TENM2: variants seen among roughly 807,000 people sequenced by gnomAD.
TENM2 encodes teneurin transmembrane protein 2, also known as teneurin-2.
In TENM2, 52 loss-of-function variants were observed where a neutral mutation model predicts 245.2. The ratio of observed to expected loss-of-function variants is 0.21; its 90% CI spans 0.17 to 0.27. The LOEUF (loss-of-function observed/expected upper bound fraction) is 0.27, where lower values mean the gene tolerates loss of function less well. Ranked by LOEUF, TENM2 falls within the 10% of genes least tolerant of loss-of-function variation. TENM2 has a pLI of 1.00. For missense variants in TENM2, 3,046 were observed against 3,666.8 expected, an observed-to-expected ratio of 0.83 and a Z score of 4.37; for synonymous variants, 1,363 against 1,438.9, an observed-to-expected ratio of 0.95 and a Z score of 1.19.
the TENM2 span, among the ~76,000 whole-genome samples, chr5:167,098,099 G>A: frequency 2.0e-5 from 3 of 152,028 alleles, no homozygotes; most frequent in African/African-American, 7.2e-5. Context: ...ACCTTTATGT[G>A]GTCACCATTT....
intron 2 of TENM2, among the ~76,000 whole-genome samples, chr5:167,746,115 C>T (rs1186180182): frequency 1.3e-5 from 2 of 152,166 alleles, no homozygotes; most frequent in South Asian, 2.1e-4. Context: ...AAAGAAGCAA[C>T]TCACTTGAAA....
chr5:168,115,448 T>G (rs1795015256), intron 9 of TENM2, among the ~76,000 whole-genome samples: 1 of 150,068 alleles, frequency 6.7e-6, no homozygotes, highest in African/African-American at 2.5e-5. Flanking sequence ...GAAAAAAATT[T>G]TATCTATATT....
chr5:168,057,015 CTGT>C (rs1562104609), intron 6 of TENM2, among the ~76,000 whole-genome samples: 3 of 151,908 alleles, frequency 2.0e-5, no homozygotes, highest in Non-Finnish European at 4.4e-5. Flanking sequence ...GAATGTATCC[CTGT>C]TGTTAAGTGA....
At chr5:167,452,697 A>G (rs1257709376) in intron 2 of TENM2, among the ~76,000 whole-genome samples, 3 of 151,564 alleles carry the variant, frequency 2.0e-5, no homozygotes, top group African/African-American at 7.3e-5. Context: ...TAACGAGCTC[A>G]GATTCTTATT....
intron 2 of TENM2, among the ~76,000 whole-genome samples, chr5:167,811,966 A>G (rs1766674656): frequency 6.6e-6 from 1 of 152,216 alleles, no homozygotes; most frequent in South Asian, 2.1e-4. Flanking sequence ...TGCCTAGAGC[A>G]CATACACAAG....
the TENM2 span, among the ~76,000 whole-genome samples, chr5:166,995,471 G>T: frequency 5.3e-5 from 8 of 151,866 alleles, no homozygotes; most frequent in Non-Finnish European, 1.0e-4. Context: ...TCGATTTCCT[G>T]ACCTCGTGAT....
At chr5:167,807,124 TAAAAAAA>T (rs1178739925) in intron 2 of TENM2, among the ~76,000 whole-genome samples, 161 of 49,076 alleles carry the variant, frequency 3.3e-3, no homozygotes, top group African/African-American at 0.011. Context: ...GCCCCTAGGT[TAAAAAAA>T]AAAAAAAAAA....
intron 2 of TENM2, among the ~76,000 whole-genome samples, chr5:167,517,565 T>A (rs1770465675): frequency 2.0e-5 from 3 of 151,696 alleles, no homozygotes. Flanking sequence ...ATTATTGTAA[T>A]CCAACAGCGT....
chr5:167,684,141 G>A (rs1310750292), intron 2 of TENM2, among the ~76,000 whole-genome samples: 1 of 152,206 alleles, frequency 6.6e-6, no homozygotes, highest in Non-Finnish European at 1.5e-5. Context: ...AAAACAGGAA[G>A]TACATACCCA....
intron 3 of TENM2, among the ~76,000 whole-genome samples, chr5:167,936,581 T>C (rs1207153392): frequency 6.6e-6 from 1 of 152,204 alleles, no homozygotes; most frequent in Non-Finnish European, 1.5e-5. Context: ...CTTTCCCCCA[T>C]CCATTGAAGC....
intron 10 of TENM2, among the ~76,000 whole-genome samples, chr5:168,121,474 A>G (rs1332594318): frequency 6.6e-6 from 1 of 152,196 alleles, no homozygotes; most frequent in Non-Finnish European, 1.5e-5. Flanking sequence ...TATAGCACAA[A>G]GGGCATATTT....
At chr5:167,005,655 G>GTTT in the TENM2 span, among the ~76,000 whole-genome samples, 69 of 52,974 alleles carry the variant, frequency 1.3e-3, no homozygotes, top group Non-Finnish European at 1.8e-3. Context: ...CTGTGTGTGG[G>GTTT]TTTTTTTTTT....
chr5:167,301,581 G>T (rs1581696546), intron 1 of TENM2, among the ~76,000 whole-genome samples: 1 of 152,110 alleles, frequency 6.6e-6, no homozygotes, highest in South Asian at 2.1e-4. Context: ...TTTAATTTTT[G>T]GAGTTTTATT....
At chr5:168,183,097 T>G (rs1222652723) in intron 13 of TENM2, among the ~76,000 whole-genome samples, 1 of 152,172 alleles carries the variant, frequency 6.6e-6, no homozygotes, top group Non-Finnish European at 1.5e-5. Flanking sequence ...CTCAAAGTGC[T>G]GGGATTACAG....
At chr5:168,183,182 G>A (rs1760081716) in intron 13 of TENM2, among the ~76,000 whole-genome samples, 1 of 152,146 alleles carries the variant, frequency 6.6e-6, no homozygotes, top group South Asian at 2.1e-4. Flanking sequence ...TGTGCATGTA[G>A]GGTCAATAAG....
In TENM2 at chr5:168,118,498, G is replaced by A. The variant is rs755138511; in HGVS notation, c.2008+12G>A. 3.4e-5 allele frequency: 51 copies of A among 1,502,272 alleles called. No individual in the cohort carries two copies. The highest frequency in any genetic ancestry group is 4.3e-5 in the Non-Finnish European group (48 of 1,109,736). 93.1% of individuals were successfully genotyped at this position (1,502,272 alleles called of 1,614,324 possible). A position where few individuals can be genotyped will look rare whatever the true frequency, so the allele number is the denominator to read the frequency against. On this transcript the variant is annotated intron_variant, in intron 10 of 28. Coordinates refer to ENST00000518659, the Ensembl canonical transcript of TENM2. ...GCACTGTGAGGAAGGTAAGCCCGCC[G>A]GCCCCGGGGCTAGGCAGCAGTGGAG... is the stretch of plus-strand genomic sequence containing the variant.
At chr5:168,087,842 A>G (rs1792593843) in intron 7 of TENM2, among the ~76,000 whole-genome samples, 3 of 152,140 alleles carry the variant, frequency 2.0e-5, no homozygotes, top group Non-Finnish European at 4.4e-5. Context: ...ATAAAGGGCT[A>G]CAGGATTGAG....
At chr5:167,530,917 C>T (rs906755413) in intron 2 of TENM2, among the ~76,000 whole-genome samples, 16 of 152,156 alleles carry the variant, frequency 1.1e-4, no homozygotes, top group African/African-American at 3.4e-4. Flanking sequence ...TTAACTCTTC[C>T]GTCTGAGTGG....
chr5:167,738,580 GATTAT>G (rs1760963094), intron 2 of TENM2, among the ~76,000 whole-genome samples: 1 of 152,134 alleles, frequency 6.6e-6, no homozygotes, highest in African/African-American at 2.4e-5. Context: ...TTATTAAAGT[GATTAT>G]ATTATTTTTC....
Sources: allele counts gnomAD v4.1 joint callset (sites outside exome capture counted in the v4.1 genomes callset), GRCh38; gene constraint gnomAD v4.1.1; transcripts MANE v1.5; gene names NCBI Gene and HGNC (gene_info 2026-07-23, HGNC 2026-07-21).